COLEC10: variants seen among roughly 807,000 people sequenced by gnomAD.
The protein encoded by COLEC10 is collectin-10.
Under a neutral mutation model 28.4 loss-of-function variants are expected in COLEC10, and 22 were observed. That is an observed-to-expected ratio of 0.78 (90% CI 0.55 to 1.11). COLEC10 has a LOEUF of 1.11. COLEC10 is among the 50% of genes least tolerant of loss of function. The probability of loss-of-function intolerance (pLI) is 0.00; values close to 1 mark genes in which losing one functional copy is unlikely to be tolerated. For missense variants in COLEC10, 361 were observed against 344.1 expected, an observed-to-expected ratio of 1.05 and a Z score of -0.39; for synonymous variants, 125 against 116.1, an observed-to-expected ratio of 1.08 and a Z score of -0.49.
chr8:119,081,971 A>G (rs1212489193), intron 1 of COLEC10, among the ~76,000 whole-genome samples: 1 of 152,228 alleles, frequency 6.6e-6, no homozygotes, highest in African/African-American at 2.4e-5. Context: ...AGATACATCA[A>G]TGAAAATCGT....
intron 1 of COLEC10, chr8:119,068,562 G>T (rs1328130744): frequency 1.3e-5 from 2 of 152,162 alleles, no homozygotes; most frequent in South Asian, 2.1e-4. Flanking sequence ...TTCCTGGGGT[G>T]TCATGGGGGC....
At chr8:118,970,965 G>A in the COLEC10 span, among the ~76,000 whole-genome samples, 1 of 151,862 alleles carries the variant, frequency 6.6e-6, no homozygotes, top group African/African-American at 2.4e-5. Context: ...ACTTTGTAAT[G>A]GCCAAAGATC....
intron 1 of COLEC10, among the ~76,000 whole-genome samples, chr8:119,082,038 A>G (rs565564772): frequency 6.6e-6 from 1 of 152,322 alleles, no homozygotes; most frequent in African/African-American, 2.4e-5. Context: ...ATGTAAAATA[A>G]CAGCAGCAGG....
At chr8:118,978,241 A>G in the COLEC10 span, among the ~76,000 whole-genome samples, 1 of 152,124 alleles carries the variant, frequency 6.6e-6, no homozygotes, top group African/African-American at 2.4e-5. Flanking sequence ...CAATTTTATC[A>G]AAATAAGTTA....
At position 119,080,688 on chromosome 8, in the gene COLEC10, G is replaced by A. The variant is rs1013402396; in HGVS notation, c.149-8992G>A. Reference sequence around the variant, plus strand: ...TGTAACATGTAACCTATGTAAGGATGTATAAAATGAAGATGTAAAGAAAAA... The same window carrying A: ...TGTAACATGTAACCTATGTAAGGATATATAAAATGAAGATGTAAAGAAAAA... On this transcript the variant is annotated intron_variant, in intron 1 of 5. Transcript: ENST00000332843. Among the ~76,000 whole-genome samples the A allele has an allele frequency of 5.3e-5, 8 of 152,184 alleles. No individual in the cohort carries two copies. In the South Asian group the frequency reaches 1.7e-3, roughly 32 times the overall value.
At chr8:119,073,998 A>T (rs1272088509) in intron 1 of COLEC10, among the ~76,000 whole-genome samples, 2 of 151,702 alleles carry the variant, frequency 1.3e-5, no homozygotes, top group Admixed American at 1.3e-4. Flanking sequence ...ATATACACAC[A>T]TATATATACG....
the COLEC10 span, among the ~76,000 whole-genome samples, chr8:118,983,441 C>T: frequency 2.0e-5 from 3 of 152,112 alleles, no homozygotes; most frequent in Non-Finnish European, 4.4e-5. Flanking sequence ...CCAGCAACCA[C>T]ATGGGCTTAT....
the COLEC10 span, among the ~76,000 whole-genome samples, chr8:118,959,626 G>C: frequency 6.6e-6 from 1 of 152,218 alleles, no homozygotes; most frequent in Non-Finnish European, 1.5e-5. Context: ...TGTGGAGACA[G>C]CTATTAGGTC....
intron 1 of COLEC10, among the ~76,000 whole-genome samples, chr8:119,085,870 G>A (rs985554099): frequency 7.3e-5 from 11 of 151,686 alleles, no homozygotes; most frequent in East Asian, 5.8e-4. Context: ...CACCCGCCTC[G>A]GCCTCCCAAA....
chr8:119,001,706 AAAAC>A (rs3082623), intron 1 of COLEC10, among the ~76,000 whole-genome samples: 51 of 150,618 alleles, frequency 3.4e-4, no homozygotes, highest in African/African-American at 1.2e-3. Flanking sequence ...CCAAAACAGT[AAAAC>A]AAACAAACAA....
chr8:119,070,103 TG>T (rs146548464), intron 1 of COLEC10, among the ~76,000 whole-genome samples: 7,842 of 152,226 alleles, frequency 0.052, 357 homozygotes, highest in East Asian at 0.2. Flanking sequence ...TTCCCAGACA[TG>T]GTTTAGTGGA....
At chr8:118,993,555 A>G (rs74746062), upstream of COLEC10, among the ~76,000 whole-genome samples, 3,048 of 152,130 alleles carry the variant, frequency 0.02, 91 homozygotes, top group African/African-American at 0.07. Flanking sequence ...GAGTTTTTAC[A>G]TGGTGGCCAG....
In COLEC10 at chr8:119,075,963, C is replaced by A. The variant is rs1247938494; in HGVS notation, c.148+8534C>A. Among the ~76,000 whole-genome samples the A allele has an allele frequency of 2.9e-5, 4 of 136,894 alleles. No individual in the cohort carries two copies. The Admixed American group carries it at 3.2e-4, about 11-fold the overall frequency. 89.8% of individuals were successfully genotyped at this position (136,894 alleles called of 152,430 possible). ...TCACCTAGGCTGGAGTGCAGTGGTG[C>A]GATCTCGGCTCACTGCAAGCTCCGC... On this transcript the variant is annotated intron_variant, in intron 1 of 5. Coordinates refer to ENST00000332843, the MANE Select transcript of COLEC10 (RefSeq NM_006438.5).
At chr8:118,994,445 G>A (rs534762635), upstream of COLEC10, among the ~76,000 whole-genome samples, 47 of 152,292 alleles carry the variant, frequency 3.1e-4, 1 homozygote, top group Non-Finnish European at 4.4e-4. Flanking sequence ...TTAGTAATAA[G>A]TAAATAATAC....
chr8:119,099,203 T>C (rs1815776169), intron 3 of COLEC10, among the ~76,000 whole-genome samples: 1 of 152,052 alleles, frequency 6.6e-6, no homozygotes, highest in Non-Finnish European at 1.5e-5. Flanking sequence ...TTCCCACTCA[T>C]TGGCCAAAAT....
At chr8:119,052,977 A>G (rs1333196265) in intron 2 of COLEC10, among the ~76,000 whole-genome samples, 1 of 152,084 alleles carries the variant, frequency 6.6e-6, no homozygotes, top group African/African-American at 2.4e-5. Context: ...AATTCCAGAG[A>G]AAAACGTGGA....
chr8:118,994,202 G>C (rs1477262016), upstream of COLEC10, among the ~76,000 whole-genome samples: 1 of 152,118 alleles, frequency 6.6e-6, no homozygotes, highest in Non-Finnish European at 1.5e-5. Flanking sequence ...AAGATGCCTT[G>C]ACCAAGCCCC....
the COLEC10 span, among the ~76,000 whole-genome samples, chr8:118,983,372 AGT>A: frequency 5.3e-5 from 8 of 152,272 alleles, no homozygotes; most frequent in African/African-American, 1.9e-4. Flanking sequence ...TTACAGTGTC[AGT>A]GTGATATGTT....
the COLEC10 span, among the ~76,000 whole-genome samples, chr8:118,970,737 C>T: frequency 6.6e-6 from 1 of 151,530 alleles, no homozygotes; most frequent in African/African-American, 2.4e-5. Context: ...CTTTCATACA[C>T]TTCATACTTT....
Sources: allele counts gnomAD v4.1 joint callset (sites outside exome capture counted in the v4.1 genomes callset), GRCh38; gene constraint gnomAD v4.1.1; transcripts MANE v1.5; gene names NCBI Gene and HGNC (gene_info 2026-07-23, HGNC 2026-07-21).